KMT2C: variants seen among roughly 807,000 people sequenced by gnomAD.
KMT2C encodes histone-lysine N-methyltransferase 2C.
In KMT2C, 88 loss-of-function variants were observed where a neutral mutation model predicts 507.9. That is an observed-to-expected ratio of 0.17 (90% confidence interval 0.15 to 0.21). KMT2C has a LOEUF of 0.21. KMT2C is among the 10% of genes least tolerant of loss of function. The pLI is 1.00. For synonymous variants in KMT2C, 2,049 were observed against 2,080.8 expected, an observed-to-expected ratio of 0.98 and a Z score of 0.42; for missense variants, 4,954 against 5,957.8, an observed-to-expected ratio of 0.83 and a Z score of 5.55.
intron 31 of KMT2C, 53 bp from the exon 32 acceptor site, chr7:152,187,900 T>C (rs549962343): frequency 2.7e-5 from 43 of 1,588,688 alleles, no homozygotes; most frequent in Middle Eastern, 1.7e-4. Flanking sequence ...TAACAAGGAG[T>C]TGAAGTAAAG....
chr7:152,351,782 C>G (rs1488294394), intron 2 of KMT2C, among the ~76,000 whole-genome samples: 1 of 152,030 alleles, frequency 6.6e-6, no homozygotes, highest in Admixed American at 6.6e-5. Flanking sequence ...CAATCAATAC[C>G]CTTGTGATTT....
intron 1 of KMT2C, chr7:152,368,024 T>A: frequency 1.2e-6 from 1 of 850,802 alleles, no homozygotes; most frequent in Non-Finnish European, 2.0e-6. Context: ...TATATGATTT[T>A]CCAGAAATAG....
chr7:152,399,928 AAC>A (rs1475793285), intron 1 of KMT2C, among the ~76,000 whole-genome samples: 1 of 152,126 alleles, frequency 6.6e-6, no homozygotes, highest in African/African-American at 2.4e-5. Flanking sequence ...AAAAAAAACA[AAC>A]AAACAAACAG....
At chr7:152,432,561 G>C (rs1241879584) in intron 1 of KMT2C, among the ~76,000 whole-genome samples, 1 of 152,098 alleles carries the variant, frequency 6.6e-6, no homozygotes, top group Non-Finnish European at 1.5e-5. Context: ...TTGTACAATA[G>C]GAAACCTCTA....
chr7:152,369,275 A>G (rs2097273240), intron 1 of KMT2C, among the ~76,000 whole-genome samples: 1 of 152,052 alleles, frequency 6.6e-6, no homozygotes, highest in Admixed American at 6.6e-5. Flanking sequence ...GTGAACCAAG[A>G]TCACGCCACC....
chr7:152,332,946 A>C (rs2129213612), intron 2 of KMT2C, among the ~76,000 whole-genome samples: 1 of 152,154 alleles, frequency 6.6e-6, no homozygotes, highest in Middle Eastern at 3.4e-3. Flanking sequence ...TTAACAATCC[A>C]GTTAGCACCC....
chr7:152,156,122 T>A, intron 45 of KMT2C, 65 bp from the exon 46 acceptor site: 1 of 1,600,634 alleles, frequency 6.2e-7, no homozygotes, highest in Non-Finnish European at 8.5e-7. Context: ...GGTAGAACTT[T>A]ACAATTCTAT....
At chr7:152,288,920 T>G (rs1361232865) in intron 6 of KMT2C, among the ~76,000 whole-genome samples, 1 of 152,278 alleles carries the variant, frequency 6.6e-6, no homozygotes, top group East Asian at 1.9e-4. Context: ...AACAAAGAAT[T>G]CTATATCCAG....
chr7:152,255,341 G>C (rs1435270257), intron 9 of KMT2C, among the ~76,000 whole-genome samples: 1 of 150,998 alleles, frequency 6.6e-6, no homozygotes, highest in Admixed American at 6.6e-5. Flanking sequence ...TAATTTTTTT[G>C]TATTTGTAGA....
intron 43 of KMT2C, among the ~76,000 whole-genome samples, chr7:152,161,551 T>C (rs2092455833): frequency 6.6e-6 from 1 of 152,204 alleles, no homozygotes; most frequent in African/African-American, 2.4e-5. Flanking sequence ...AAGTTAGCTC[T>C]TCATGTAAAT....
rs779793673 is a variant in KMT2C at position 152,187,254 on chromosome 7, T to A, written c.5008+8A>T. 5.0e-6 allele frequency: 8 copies of A among 1,607,846 alleles called. No individual in the cohort carries two copies. The highest frequency in any genetic ancestry group is 1.7e-5 in the Admixed American group (1 of 60,006). On this transcript the variant is annotated splice_region_variant and intron_variant, in intron 33 of 58. Transcript: ENST00000262189. ...TGGTAAAACAGAAATAATATATTCATGGCTTACCAGGGAATTCTTCCTTTA... is the reference window on the plus strand; with the variant it reads ...TGGTAAAACAGAAATAATATATTCAAGGCTTACCAGGGAATTCTTCCTTTA...
intron 14 of KMT2C, among the ~76,000 whole-genome samples, chr7:152,240,336 T>G (rs2095359668): frequency 1.3e-5 from 2 of 152,276 alleles, no homozygotes; most frequent in African/African-American, 2.4e-5. Flanking sequence ...ACTGTTCTGC[T>G]GGATTTGGCA....
intron 18 of KMT2C, among the ~76,000 whole-genome samples, chr7:152,227,716 G>T (rs193220027): frequency 2.2e-4 from 33 of 152,338 alleles, no homozygotes; most frequent in Admixed American, 2.1e-3. Context: ...AAGAGCTCCA[G>T]AAATCTACAA....
chr7:152,182,844 A>G (rs2093478561), intron 35 of KMT2C, 130 bp downstream of exon 35: 1 of 699,642 alleles, frequency 1.4e-6, no homozygotes, highest in East Asian at 2.8e-5. Flanking sequence ...TTTACTGAAA[A>G]GAGAAACAAG....
At chr7:152,260,511 G>A (rs559696301) in intron 9 of KMT2C, among the ~76,000 whole-genome samples, 3 of 152,106 alleles carry the variant, frequency 2.0e-5, no homozygotes, top group African/African-American at 7.2e-5. Flanking sequence ...GGGGTGGCGT[G>A]GGGGATGGGG....
chr7:152,225,942 A>G (rs2094916468), intron 18 of KMT2C, among the ~76,000 whole-genome samples: 1 of 152,214 alleles, frequency 6.6e-6, no homozygotes, highest in Admixed American at 6.5e-5. Flanking sequence ...CCTGCAGTGA[A>G]CATTTACTGA....
At chr7:152,259,443 C>T (rs993877754) in intron 9 of KMT2C, among the ~76,000 whole-genome samples, 10 of 94,184 alleles carry the variant, frequency 1.1e-4, no homozygotes, top group South Asian at 6.3e-4. Flanking sequence ...GACACACACA[C>T]GCGCACACAC....
chr7:152,435,396 G>C (rs1439898308), intron 1 of KMT2C, among the ~76,000 whole-genome samples: 1 of 150,346 alleles, frequency 6.7e-6, no homozygotes, highest in Non-Finnish European at 1.5e-5. Context: ...GTGCGGAGCC[G>C]GGCGCCGGCG....
chr7:152,143,997 G>A (rs2090861026), intron 55 of KMT2C, among the ~76,000 whole-genome samples: 1 of 152,184 alleles, frequency 6.6e-6, no homozygotes, highest in Non-Finnish European at 1.5e-5. Context: ...GAATTTTTAG[G>A]AGAAAACAGA....
Sources: gnomAD v4.1 joint callset for allele counts (sites outside exome capture counted in the v4.1 genomes callset) on GRCh38, gnomAD v4.1.1 for gene constraint, MANE v1.5 for transcripts, NCBI Gene and HGNC (gene_info 2026-07-23, HGNC 2026-07-21) for gene names.